Variants in NXN observed in about 807,000 individuals in gnomAD.
NXN encodes the protein nucleoredoxin 1.
A neutral mutation model predicts 48.6 loss-of-function variants in NXN; 16 were observed. The ratio of observed to expected loss-of-function variants is 0.33; its 90% CI spans 0.22 to 0.50. The LOEUF is 0.50. Ranked by LOEUF, NXN falls within the 20% of genes least tolerant of loss-of-function variation. The pLI is 0.98. For missense variants in NXN, 492 were observed against 605.5 expected (o/e 0.81, Z 1.97); for synonymous variants, 281 against 269.6 (o/e 1.04, Z -0.41).
chr17:975,974 G>A (rs1169137433), intron 1 of NXN, among the ~76,000 whole-genome samples: 1 of 152,098 alleles, frequency 6.6e-6, no homozygotes, highest in African/African-American at 2.4e-5. Flanking sequence ...CAGGATTATA[G>A]ATTTGCTGAT....
chr17:914,953 T>C (rs1003469499), intron 1 of NXN, among the ~76,000 whole-genome samples: 3 of 152,172 alleles, frequency 2.0e-5, no homozygotes, highest in Non-Finnish European at 4.4e-5. Context: ...GTTGATTTTT[T>C]TTTTTAGACA....
intron 5 of NXN, among the ~76,000 whole-genome samples, chr17:812,773 G>T (rs1017675078): frequency 6.9e-6 from 1 of 145,548 alleles, no homozygotes; most frequent in African/African-American, 2.5e-5. Context: ...TGTGAGTGTA[G>T]GTGTGTGCAT....
chr17:887,262 C>G (rs1323421491), intron 1 of NXN, among the ~76,000 whole-genome samples: 1 of 152,124 alleles, frequency 6.6e-6, no homozygotes, highest in East Asian at 1.9e-4. Flanking sequence ...TGCTAGCTGA[C>G]CGGCCAGTCC....
At chr17:831,666 A>G (rs1400146050) in intron 1 of NXN, among the ~76,000 whole-genome samples, 1 of 151,350 alleles carries the variant, frequency 6.6e-6, no homozygotes, top group Non-Finnish European at 1.5e-5. Flanking sequence ...CACCTGGCTA[A>G]TTTTTGTATT....
chr17:904,482 C>T (rs1377467018), intron 1 of NXN, among the ~76,000 whole-genome samples: 1 of 152,200 alleles, frequency 6.6e-6, no homozygotes, highest in Non-Finnish European at 1.5e-5. Context: ...TTTTTCCCCT[C>T]CACTTTGACC....
intron 1 of NXN, among the ~76,000 whole-genome samples, chr17:953,917 C>T (rs1454098055): frequency 1.3e-5 from 2 of 152,144 alleles, no homozygotes; most frequent in South Asian, 4.1e-4. Context: ...GCCTGCGTGA[C>T]GGGTGCGGGA....
intron 5 of NXN, among the ~76,000 whole-genome samples, chr17:814,550 C>T (rs1005065018): frequency 1.3e-5 from 2 of 152,148 alleles, no homozygotes; most frequent in African/African-American, 2.4e-5. Flanking sequence ...GGCCCTCGTA[C>T]GAAATGACAC....
chr17:871,693 G>A lies in NXN; in HGVS notation c.361-45615C>T, dbSNP rs561989906. 1.7e-3 allele frequency among the ~76,000 whole-genome samples: 261 copies of A among 152,196 alleles called. 2 individuals are homozygous for A. Among genetic ancestry groups the A allele is most frequent in the Admixed American group, 3.3e-3 (50 of 15,286 alleles). ...GTGCTGGGTACAGGCATGAGCCACC[G>A]CGCCCAGCTGCATTTGCTTTTGATA... On this transcript the variant is annotated intron_variant, in intron 1 of 7. Coordinates refer to ENST00000336868, the MANE Select transcript of NXN (RefSeq NM_022463.5).
In NXN at chr17:932,100, C is replaced by T. The variant is rs535858635; in HGVS notation, c.360+47219G>A. On this transcript the variant is annotated intron_variant, in intron 1 of 7. Coordinates refer to ENST00000336868, the MANE Select transcript of NXN (RefSeq NM_022463.5). This position sits in a 1 kb window ranked among gnomAD's most constrained non-coding sequence, Gnocchi z 4.1. ...CGGAGGTTGCAGTGAGCTGAGATTG[C>T]ACCACTGCACTCCAGCCTGGGCAAT... 2.5e-4 allele frequency among the ~76,000 whole-genome samples: 38 copies of T among 152,270 alleles called. 1 individual carries two copies. The highest frequency in any genetic ancestry group is 4.4e-4 in the Non-Finnish European group (30 of 68,010).
chr17:924,963 T>C (rs1297297135), intron 1 of NXN, among the ~76,000 whole-genome samples: 2 of 152,200 alleles, frequency 1.3e-5, no homozygotes, highest in African/African-American at 4.8e-5. Context: ...AGAAGAGATT[T>C]TACAAGTCAG....
At chr17:870,847 T>TTTTA (rs761348785) in intron 1 of NXN, among the ~76,000 whole-genome samples, 2,836 of 151,610 alleles carry the variant, frequency 0.019, 74 homozygotes, top group African/African-American at 0.061. Flanking sequence ...TGCTACATGC[T>TTTTA]TTTATTTATT....
chr17:909,999 C>T (rs1357192703), intron 1 of NXN: 5 of 152,184 alleles, frequency 3.3e-5, no homozygotes, highest in Non-Finnish European at 7.3e-5. Context: ...TCATGAAATA[C>T]TTCTAACATA....
At chr17:827,729 G>A (rs532503727) in intron 1 of NXN, among the ~76,000 whole-genome samples, 1 of 152,378 alleles carries the variant, frequency 6.6e-6, no homozygotes, top group African/African-American at 2.4e-5. Context: ...GTTCGGCTCT[G>A]AGCCTCCCTG....
At chr17:899,798 G>A (rs906842634) in intron 1 of NXN, among the ~76,000 whole-genome samples, 1 of 152,158 alleles carries the variant, frequency 6.6e-6, no homozygotes, top group African/African-American at 2.4e-5. Context: ...GATGAGGCAG[G>A]AGGATAGCCT....
rs760074012 is a variant in NXN, at chr17:803,741, T to C, written c.1066A>G (p.Ile356Val). The change falls in exon 7 of 8, where the codon ATT becomes GTT. Residue 356 changes from isoleucine to valine, a missense_variant. Physicochemically the swap from Ile to Val is conservative, Grantham distance 29. This residue lies in a region of NXN where 303 missense variants were observed against 388.3 expected (regional missense o/e 0.78). Transcript: ENST00000336868. ...QLIQPIAEKI[I>V]AKYKAKEEEA... ...TCCTCTTTGGCTTTGTACTTGGCAA[T>C]GATTTTCTCAGCTATCGGCTGAATC... The C allele has an allele frequency of 1.4e-5, 23 of 1,614,252 alleles. No individual in the cohort carries two copies. Among genetic ancestry groups the C allele is most frequent in the Non-Finnish European group, 1.9e-5 (23 of 1,180,044 alleles).
chr17:954,121 T>C lies in NXN; in HGVS notation c.360+25198A>G, dbSNP rs149929465. 1.9e-3 allele frequency among the ~76,000 whole-genome samples: 291 copies of C among 152,112 alleles called. 1 individual carries two copies. The highest frequency in any genetic ancestry group is 6.8e-3 in the African/African-American group (282 of 41,532). On this transcript the variant is annotated intron_variant, in intron 1 of 7. Transcript: ENST00000336868. Reference sequence around the variant, plus strand: ...GGCCAGGCGCCGTGGCTCATGCCTGTCATCCAAGCACTTTGGGAGGCCGAG... The same window carrying C: ...GGCCAGGCGCCGTGGCTCATGCCTGCCATCCAAGCACTTTGGGAGGCCGAG...
chr17:976,909 G>A (rs769948799), intron 1 of NXN, among the ~76,000 whole-genome samples: 1 of 152,174 alleles, frequency 6.6e-6, no homozygotes, highest in South Asian at 2.1e-4. Context: ...TGGGACTAGA[G>A]GCATGCGCCA....
intron 1 of NXN, chr17:864,190 T>C: frequency 7.0e-7 from 1 of 1,426,082 alleles, no homozygotes; most frequent in Non-Finnish European, 9.4e-7. Context: ...CGTTGCTCGG[T>C]TCCGGTGAAG....
chr17:878,773 G>C (rs1327142167), intron 1 of NXN, among the ~76,000 whole-genome samples: 1 of 152,154 alleles, frequency 6.6e-6, no homozygotes, highest in Admixed American at 6.5e-5. Flanking sequence ...AGCTTGGGTA[G>C]ATGCGTCAGT....
Sources: gnomAD v4.1 joint callset for allele counts (sites outside exome capture counted in the v4.1 genomes callset) on GRCh38, gnomAD v4.1.1 for gene constraint, gnomAD v4.1.1 regional missense constraint, Gnocchi (gnomAD v3.1) non-coding constraint, MANE v1.5 for transcripts, NCBI Gene and HGNC (gene_info 2026-07-23, HGNC 2026-07-21) for gene names.